The following VSIG1 variants were observed in gnomAD, a reference collection of about 807,000 sequenced individuals.
The protein encoded by VSIG1 is V-set and immunoglobulin domain containing 1, also known as V-set and immunoglobulin domain-containing protein 1.
A neutral mutation model predicts 20.1 loss-of-function variants in VSIG1; 11 were observed. The ratio of observed to expected loss-of-function variants is 0.55; its 90% CI spans 0.34 to 0.91. VSIG1 has a LOEUF of 0.91. Among genes scored for constraint, VSIG1 ranks in the 40% least tolerant of loss-of-function variants. The pLI is 0.02. For synonymous variants in VSIG1, 126 were observed against 116.7 expected (o/e 1.08, Z -0.52); for missense variants, 283 against 298.8 (o/e 0.95, Z 0.39).
At chrX:108,023,791 A>G in the VSIG1 span, among the ~76,000 whole-genome samples, 5 of 112,133 alleles carry the variant, frequency 4.5e-5, no homozygotes, top group African/African-American at 1.6e-4. Flanking sequence ...GCAGAAATAA[A>G]TGAGGGAAGC....
At chrX:108,027,524 T>C in the VSIG1 span, among the ~76,000 whole-genome samples, 1 of 112,038 alleles carries the variant, frequency 8.9e-6, no homozygotes, top group Non-Finnish European at 1.9e-5. Flanking sequence ...TGATTGCTTA[T>C]GATTTTTCTG....
upstream of VSIG1, among the ~76,000 whole-genome samples, chrX:108,043,904 T>C (rs2030518927): frequency 1.8e-5 from 2 of 112,357 alleles, no homozygotes; most frequent in Admixed American, 9.4e-5. Flanking sequence ...CATGAGTTAA[T>C]GTGGCTAAAG....
chrX:108,069,893 G>A (rs1211843487), intron 3 of VSIG1, among the ~76,000 whole-genome samples: 1 of 111,700 alleles, frequency 9.0e-6, no homozygotes, highest in Non-Finnish European at 1.9e-5. Flanking sequence ...AAGGCTTATT[G>A]AGGAAAGTGA....
At position 108,079,072 on chromosome X, in the gene VSIG1, C is replaced by A. The variant is rs991760428; in HGVS notation, c.*1691C>A. Reference sequence around the variant, plus strand: ...CATATTTAAATCTTACTTTAAGGCTCAATAAATAATACTCATAATGTCTCA... The same window carrying A: ...CATATTTAAATCTTACTTTAAGGCTAAATAAATAATACTCATAATGTCTCA... On this transcript the variant is annotated 3_prime_UTR_variant, in exon 7 of 7. Transcript: ENST00000217957. 8.9e-6 allele frequency: 1 copy of A among 112,249 alleles called. No homozygotes were observed. Among genetic ancestry groups the A allele is most frequent in the Non-Finnish European group, 1.9e-5 (1 of 53,234 alleles). The allele number at this position is 112,249 out of a possible 1,213,427, so 9.3% of individuals were successfully genotyped here. A position where few individuals can be genotyped will look rare whatever the true frequency, so the allele number is the denominator to read the frequency against.
the VSIG1 span, among the ~76,000 whole-genome samples, chrX:108,038,042 C>T: frequency 1.8e-5 from 2 of 111,695 alleles, no homozygotes; most frequent in African/African-American, 6.5e-5. Flanking sequence ...GAAAGTGTCA[C>T]ACAGGCAGAG....
intron 1 of VSIG1, among the ~76,000 whole-genome samples, chrX:108,047,957 C>CAT (rs1569287407): frequency 7.7e-5 from 2 of 25,886 alleles, no homozygotes; most frequent in Non-Finnish European, 1.1e-4. Flanking sequence ...TATATATACA[C>CAT]ACACATATAT....
chrX:108,073,960 T>C (rs1272890577), intron 5 of VSIG1: 2 of 111,644 alleles, frequency 1.8e-5, no homozygotes, highest in African/African-American at 6.5e-5. Flanking sequence ...AGTTAGTAAC[T>C]GGCAGAGCCA....
chrX:108,048,270 T>C (rs765390413), intron 1 of VSIG1, among the ~76,000 whole-genome samples: 5 of 109,795 alleles, frequency 4.6e-5, no homozygotes, highest in African/African-American at 1.7e-4. Context: ...CCCAAAGTGT[T>C]GGGATTACAG....
In VSIG1 at chrX:108,061,477, A is replaced by G. The variant is rs200756900; in HGVS notation, c.213+3276A>G. On this transcript the variant is annotated intron_variant, in intron 2 of 6. Coordinates refer to ENST00000217957, the MANE Select transcript of VSIG1 (RefSeq NM_182607.5). ...GGTATGGAGGAAAAGGCAGTCAGTC[A>G]GTGTCTAAAAATGACGCACGCAAGA... 2.6e-3 allele frequency: 3,009 copies of G among 1,165,387 alleles called. 7 individuals carry two copies. Among genetic ancestry groups the G allele is most frequent in the Non-Finnish European group, 3.2e-3 (2,834 of 872,293 alleles).
At chrX:108,071,892 C>CAAA (rs1203449181) in intron 3 of VSIG1, among the ~76,000 whole-genome samples, 8 of 36,399 alleles carry the variant, frequency 2.2e-4, no homozygotes, top group Middle Eastern at 0.018. Flanking sequence ...TGAACAAATG[C>CAAA]AAAAAAAAAA....
the VSIG1 span, among the ~76,000 whole-genome samples, chrX:108,030,412 T>C: frequency 2.7e-5 from 3 of 111,817 alleles, no homozygotes; most frequent in Non-Finnish European, 5.6e-5. Context: ...TCTGACCCAA[T>C]AGGGCCCTCC....
the VSIG1 span, among the ~76,000 whole-genome samples, chrX:108,028,873 A>G: frequency 1.9e-4 from 21 of 111,798 alleles, no homozygotes; most frequent in Non-Finnish European, 3.2e-4. Context: ...GAAGGATGGT[A>G]GGAAACTAGA....
the VSIG1 span, among the ~76,000 whole-genome samples, chrX:108,031,744 T>C: frequency 8.9e-6 from 1 of 112,724 alleles, no homozygotes; most frequent in African/African-American, 3.2e-5. Flanking sequence ...AATTGACAGA[T>C]ATCATTGTGC....
upstream of VSIG1, among the ~76,000 whole-genome samples, chrX:108,042,131 C>T (rs567728463): frequency 8.9e-6 from 1 of 111,966 alleles, no homozygotes; most frequent in African/African-American, 3.2e-5. Context: ...AATCCAGGTC[C>T]AAGCAGAGAG....
chrX:108,047,657 A>C (rs1221195269), intron 1 of VSIG1, among the ~76,000 whole-genome samples: 2 of 104,421 alleles, frequency 1.9e-5, no homozygotes, highest in African/African-American at 7.0e-5. Flanking sequence ...TATTTGGGGG[A>C]TATTTTGCTG....
intron 1 of VSIG1, among the ~76,000 whole-genome samples, chrX:108,049,655 C>A (rs1288356177): frequency 8.9e-6 from 1 of 112,199 alleles, no homozygotes. Flanking sequence ...AACTAGAGAA[C>A]AAAAATTATG....
the VSIG1 span, among the ~76,000 whole-genome samples, chrX:108,035,668 G>A: frequency 9.0e-6 from 1 of 111,014 alleles, no homozygotes; most frequent in African/African-American, 3.3e-5. Context: ...TCCTGTACTT[G>A]TATTTATTTG....
intron 1 of VSIG1, among the ~76,000 whole-genome samples, chrX:108,047,985 T>TATACAC: frequency 4.2e-5 from 3 of 71,857 alleles, no homozygotes; most frequent in Middle Eastern, 6.4e-3. Flanking sequence ...TATATATATA[T>TATACAC]ATATATATAT....
At chrX:108,058,418 C>T (rs1174576682) in intron 2 of VSIG1, among the ~76,000 whole-genome samples, 2 of 111,737 alleles carry the variant, frequency 1.8e-5, no homozygotes, top group East Asian at 2.8e-4. Flanking sequence ...CCCATTATCT[C>T]GGTCTGTGTA....
Sources: gnomAD v4.1 joint callset for allele counts (sites outside exome capture counted in the v4.1 genomes callset) on GRCh38, gnomAD v4.1.1 for gene constraint, MANE v1.5 for transcripts, NCBI Gene and HGNC (gene_info 2026-07-23, HGNC 2026-07-21) for gene names.